The following PRRG1 variants were observed in gnomAD, a reference collection of about 807,000 sequenced individuals.
The protein encoded by PRRG1 is transmembrane gamma-carboxyglutamic acid protein 1.
PRRG1 carries 5 observed loss-of-function variants against 11.8 expected under a neutral mutation model. The observed-to-expected ratio is 0.42, with a 90% CI of 0.22 to 0.89. The LOEUF (loss-of-function observed/expected upper bound fraction) is 0.89. PRRG1 is among the 40% of genes least tolerant of loss of function. The pLI, the probability that PRRG1 is intolerant of heterozygous loss-of-function variation, is 0.28. For missense variants in PRRG1, 155 were observed against 166.1 expected, an observed-to-expected ratio of 0.93 and a Z score of 0.37; for synonymous variants, 66 against 60.4, an observed-to-expected ratio of 1.09 and a Z score of -0.43.
At chrX:37,420,677 AAAAAAAAAAAG>A (rs1171898549) in intron 2 of PRRG1, among the ~76,000 whole-genome samples, 2 of 104,921 alleles carry the variant, frequency 1.9e-5, no homozygotes, top group Non-Finnish European at 3.8e-5. Context: ...GCAAAAAAAA[AAAAAAAAAAAG>A]AAAAGAAAGA....
intron 1 of PRRG1, among the ~76,000 whole-genome samples, chrX:37,355,885 A>G (rs927913863): frequency 8.9e-6 from 1 of 112,177 alleles, no homozygotes; most frequent in Middle Eastern, 4.2e-3. Flanking sequence ...TTGAATAATT[A>G]TTTTTTGAAA....
chrX:37,435,938 C>T (rs997342172), intron 3 of PRRG1, among the ~76,000 whole-genome samples: 2 of 111,897 alleles, frequency 1.8e-5, no homozygotes, highest in African/African-American at 6.5e-5. Flanking sequence ...AAGAAGCTCA[C>T]ATTAAGGGAA....
intron 3 of PRRG1, among the ~76,000 whole-genome samples, chrX:37,426,420 C>T (rs1179415778): frequency 8.9e-6 from 1 of 111,783 alleles, no homozygotes; most frequent in Non-Finnish European, 1.9e-5. Flanking sequence ...TCCCACTCCG[C>T]GAGAATACTC....
intron 3 of PRRG1, among the ~76,000 whole-genome samples, chrX:37,439,181 G>A (rs1556392834): frequency 8.9e-6 from 1 of 112,017 alleles, no homozygotes; most frequent in Non-Finnish European, 1.9e-5. Flanking sequence ...TCCAAAGAAG[G>A]CTCTGGTTTT....
At chrX:37,426,401 G>A (rs1932774439) in intron 3 of PRRG1, among the ~76,000 whole-genome samples, 1 of 111,982 alleles carries the variant, frequency 8.9e-6, no homozygotes, top group African/African-American at 3.2e-5. Context: ...AAGACATCCA[G>A]ACATACCTTC....
chrX:37,385,995 AG>A (rs1931315710), intron 1 of PRRG1, among the ~76,000 whole-genome samples: 1 of 111,091 alleles, frequency 9.0e-6, no homozygotes, highest in Non-Finnish European at 1.9e-5. Flanking sequence ...TCCTGACCTC[AG>A]GTGATCCACC....
intron 2 of PRRG1, among the ~76,000 whole-genome samples, chrX:37,411,868 T>G (rs1421401019): frequency 8.9e-6 from 1 of 112,075 alleles, no homozygotes; most frequent in East Asian, 2.8e-4. Flanking sequence ...ATATCTGGAA[T>G]AGCTTAATGA....
chrX:37,380,534 A>G (rs548812830), intron 1 of PRRG1, among the ~76,000 whole-genome samples: 3 of 111,301 alleles, frequency 2.7e-5, no homozygotes, highest in African/African-American at 6.5e-5. Context: ...CTCTGGACTC[A>G]TTGGGTTTTT....
chrX:37,410,517 A>G (rs1047900314), intron 2 of PRRG1, among the ~76,000 whole-genome samples: 1 of 112,128 alleles, frequency 8.9e-6, no homozygotes, highest in Non-Finnish European at 1.9e-5. Flanking sequence ...GATATCTGCA[A>G]TGTTCATATT....
intron 2 of PRRG1, among the ~76,000 whole-genome samples, chrX:37,425,489 TG>T (rs1453613108): frequency 1.8e-5 from 2 of 112,407 alleles, no homozygotes; most frequent in African/African-American, 6.5e-5. Context: ...ATTTGGCTGC[TG>T]CTGTCTGTCA....
intron 1 of PRRG1, among the ~76,000 whole-genome samples, chrX:37,389,518 T>TG (rs782539489): frequency 1.7e-4 from 19 of 110,754 alleles, no homozygotes; most frequent in Non-Finnish European, 1.3e-4. Context: ...TGGTGGAAGG[T>TG]GAAGGGCAGC....
At chrX:37,405,886 T>C (rs1433343513) in intron 1 of PRRG1, among the ~76,000 whole-genome samples, 1 of 111,804 alleles carries the variant, frequency 8.9e-6, no homozygotes, top group African/African-American at 3.3e-5. Context: ...TTGTCTGCCA[T>C]TTTTGTTGAT....
chrX:37,404,063 C>T (rs146111973), intron 1 of PRRG1, among the ~76,000 whole-genome samples: 9 of 112,111 alleles, frequency 8.0e-5, no homozygotes, highest in Non-Finnish European at 1.7e-4. Flanking sequence ...CCTGACAGCT[C>T]GTTCCTTTGT....
At chrX:37,441,469 C>G in intron 3 of PRRG1, 1 of 755,406 alleles carries the variant, frequency 1.3e-6, no homozygotes, top group Non-Finnish European at 1.6e-6. Flanking sequence ...CTTCAGCCAG[C>G]TACTACTACC....
intron 3 of PRRG1, among the ~76,000 whole-genome samples, chrX:37,435,663 GA>G (rs1166150802): frequency 1.0e-4 from 11 of 110,433 alleles, no homozygotes; most frequent in African/African-American, 3.6e-4. Context: ...AACTTACAGA[GA>G]AATCCAAAAA....
At chrX:37,419,439 T>C (rs1445716215) in intron 2 of PRRG1, among the ~76,000 whole-genome samples, 2 of 112,271 alleles carry the variant, frequency 1.8e-5, no homozygotes, top group African/African-American at 3.2e-5. Context: ...GAGAAGAAGT[T>C]CTGAAATTTT....
At position 37,453,264 on chromosome X, in the gene PRRG1, A is replaced by C. The variant is rs781944230; in HGVS notation, c.300A>C (p.Leu100=). The C allele has an allele frequency of 1.7e-6, 2 of 1,210,367 alleles. No individual in the cohort carries two copies. The highest frequency in any genetic ancestry group is 5.9e-5 in the East Asian group (2 of 33,823). ...GLFIILLVIF[L]IWRCFLRNKT... ...TCATTATCCTCCTTGTCATTTTCCTAATCTGGAGATGCTTCCTAAGAAACA... is the reference window on the plus strand; with the variant it reads ...TCATTATCCTCCTTGTCATTTTCCTCATCTGGAGATGCTTCCTAAGAAACA... The change falls in exon 4 of 4, where the codon CTA becomes CTC. Residue 100 remains leucine, a synonymous_variant. Coordinates refer to ENST00000378628, the MANE Select transcript of PRRG1 (RefSeq NM_001142395.2).
At chrX:37,403,745 T>A in intron 1 of PRRG1, 2 of 753,043 alleles carry the variant, frequency 2.7e-6, no homozygotes, top group Non-Finnish European at 3.1e-6. Flanking sequence ...AGGATCCGAA[T>A]GGAAAGATCA....
intron 1 of PRRG1, among the ~76,000 whole-genome samples, chrX:37,368,093 G>A (rs1298693850): frequency 9.0e-6 from 1 of 111,706 alleles, no homozygotes; most frequent in Non-Finnish European, 1.9e-5. Context: ...TTGTTTCATG[G>A]CCTAGAATAT....
Sources: allele counts gnomAD v4.1 joint callset (sites outside exome capture counted in the v4.1 genomes callset), GRCh38; gene constraint gnomAD v4.1.1; transcripts MANE v1.5; gene names NCBI Gene and HGNC (gene_info 2026-07-23, HGNC 2026-07-21).